The following CSTPP1 variants were observed in gnomAD, a reference collection of about 807,000 sequenced individuals.
CSTPP1 encodes UPF0705 protein C11orf49.
chr11:46,974,356 C>T, the CSTPP1 span, among the ~76,000 whole-genome samples: 4 of 151,736 alleles, frequency 2.6e-5, no homozygotes, highest in Admixed American at 6.6e-5. Flanking sequence ...GGTGCAACCC[C>T]GTCTCTACTA....
At chr11:47,086,237 A>C in the CSTPP1 span, among the ~76,000 whole-genome samples, 622 of 132,676 alleles carry the variant, frequency 4.7e-3, 18 homozygotes, top group African/African-American at 0.016. Context: ...AAAAATCCAA[A>C]AAAAAAAAAA....
chr11:46,976,942 C>T, the CSTPP1 span, among the ~76,000 whole-genome samples: 2 of 152,158 alleles, frequency 1.3e-5, no homozygotes, highest in Non-Finnish European at 2.9e-5. Flanking sequence ...TATTGAAATC[C>T]GTATTGTTCA....
the CSTPP1 span, among the ~76,000 whole-genome samples, chr11:46,938,427 C>T: frequency 6.7e-6 from 1 of 150,142 alleles, no homozygotes. Context: ...TTGTGTTGTT[C>T]AGTTCTGTGG....
chr11:46,959,192 T>C, the CSTPP1 span, among the ~76,000 whole-genome samples: 1 of 151,620 alleles, frequency 6.6e-6, no homozygotes, highest in Non-Finnish European at 1.5e-5. Context: ...TTTTTGTTGT[T>C]GTTTTATTGG....
chr11:47,007,399 C>G, the CSTPP1 span, among the ~76,000 whole-genome samples: 5 of 152,116 alleles, frequency 3.3e-5, no homozygotes, highest in Non-Finnish European at 7.4e-5. Context: ...CATTAATTCT[C>G]TCTTCATTTC....
At chr11:46,950,128 T>A in the CSTPP1 span, among the ~76,000 whole-genome samples, 1 of 152,118 alleles carries the variant, frequency 6.6e-6, no homozygotes, top group Non-Finnish European at 1.5e-5. Context: ...ATTTCCCAGA[T>A]TTCATTTGCT....
At chr11:47,046,302 T>C in the CSTPP1 span, among the ~76,000 whole-genome samples, 1 of 146,580 alleles carries the variant, frequency 6.8e-6, no homozygotes, top group Non-Finnish European at 1.5e-5. Context: ...AAAAAAAAAC[T>C]TCTAGAGCTT....
At chr11:47,067,616 G>A in the CSTPP1 span, among the ~76,000 whole-genome samples, 15 of 152,204 alleles carry the variant, frequency 9.9e-5, no homozygotes, top group African/African-American at 3.6e-4. Flanking sequence ...GCCCCTCCAC[G>A]TGAGGACACA....
chr11:47,041,730 G>T, the CSTPP1 span: 2 of 531,388 alleles, frequency 3.8e-6, no homozygotes, highest in South Asian at 1.7e-5. Flanking sequence ...CTTTGACCTT[G>T]GTAGGCACCT....
At chr11:46,968,587 A>AC in the CSTPP1 span, among the ~76,000 whole-genome samples, 36 of 151,330 alleles carry the variant, frequency 2.4e-4, no homozygotes, top group South Asian at 6.3e-4. Context: ...AATCTTGATC[A>AC]CCCCCCCGAA....
At chr11:47,130,504 T>C in the CSTPP1 span, among the ~76,000 whole-genome samples, 2 of 152,182 alleles carry the variant, frequency 1.3e-5, no homozygotes, top group African/African-American at 2.4e-5. Context: ...GGAGATAAAA[T>C]TGAATAACAC....
the CSTPP1 span, among the ~76,000 whole-genome samples, chr11:46,978,852 G>A: frequency 6.6e-6 from 1 of 152,186 alleles, no homozygotes; most frequent in Non-Finnish European, 1.5e-5. Flanking sequence ...TGAGTTTTCA[G>A]TTACTTTAAA....
the CSTPP1 span, among the ~76,000 whole-genome samples, chr11:46,948,491 C>A: frequency 3.9e-4 from 59 of 152,280 alleles, 1 homozygote; most frequent in South Asian, 0.012. Context: ...TGCTGCCACT[C>A]AGGTCTCTTT....
chr11:47,151,051 C>T, the CSTPP1 span, among the ~76,000 whole-genome samples: 12 of 151,912 alleles, frequency 7.9e-5, no homozygotes, highest in Non-Finnish European at 1.5e-5. Context: ...TGTGCCCGGC[C>T]TCTGTGAAGG....
the CSTPP1 span, among the ~76,000 whole-genome samples, chr11:47,029,419 C>T: frequency 8.6e-5 from 13 of 151,884 alleles, no homozygotes; most frequent in African/African-American, 3.1e-4. Context: ...CCAGTCTAGC[C>T]AACATGGTGA....
the CSTPP1 span, among the ~76,000 whole-genome samples, chr11:47,072,717 CTTATAA>C: frequency 2.0e-5 from 3 of 151,440 alleles, no homozygotes; most frequent in South Asian, 2.1e-4. Flanking sequence ...AAAAAATGAA[CTTATAA>C]TTACAATAGA....
At chr11:47,023,730 A>G in the CSTPP1 span, among the ~76,000 whole-genome samples, 1 of 152,102 alleles carries the variant, frequency 6.6e-6, no homozygotes, top group African/African-American at 2.4e-5. Flanking sequence ...TGATTGGTTT[A>G]TTTCATTTAG....
At chr11:46,998,371 A>C in the CSTPP1 span, among the ~76,000 whole-genome samples, 5 of 152,216 alleles carry the variant, frequency 3.3e-5, no homozygotes, top group Non-Finnish European at 4.4e-5. Context: ...GTTGAAAAAA[A>C]ATCGTAAGAT....
the CSTPP1 span, among the ~76,000 whole-genome samples, chr11:46,966,136 G>A: frequency 2.0e-5 from 3 of 152,046 alleles, no homozygotes; most frequent in African/African-American, 7.2e-5. Context: ...TCTACCTCCC[G>A]GGTTCAAGTG....
Sources: gnomAD v4.1 joint callset for allele counts (sites outside exome capture counted in the v4.1 genomes callset) on GRCh38, gnomAD v4.1.1 for gene constraint, MANE v1.5 for transcripts, NCBI Gene and HGNC (gene_info 2026-07-23, HGNC 2026-07-21) for gene names.